Variants in MAN1C1 observed in about 807,000 individuals in gnomAD.
The protein encoded by MAN1C1 is mannosidase alpha class 1C member 1, also known as mannosyl-oligosaccharide 1,2-alpha-mannosidase IC.
In MAN1C1, 49 loss-of-function variants were observed where a neutral mutation model predicts 71.5. The ratio of observed to expected loss-of-function variants is 0.69; its 90% CI spans 0.54 to 0.87. MAN1C1 has a LOEUF of 0.87. Among genes scored for constraint, MAN1C1 ranks in the 40% least tolerant of loss-of-function variants. The pLI is 0.00. For missense variants in MAN1C1, 743 were observed against 835.0 expected (o/e 0.89, Z 1.36); for synonymous variants, 352 against 343.7 (o/e 1.02, Z -0.27).
At chr1:25,663,454 G>C (rs779756523) in intron 1 of MAN1C1, among the ~76,000 whole-genome samples, 5 of 152,034 alleles carry the variant, frequency 3.3e-5, no homozygotes, top group Non-Finnish European at 7.4e-5. Context: ...CTACAAATTA[G>C]GCACAGTAAC....
In MAN1C1 at chr1:25,634,473, G is replaced by A. The variant is rs891581776; in HGVS notation, c.540+16136G>A. Among the ~76,000 whole-genome samples, 3 of 152,250 alleles carry A rather than the reference G, an allele frequency of 2.0e-5. No homozygotes were observed. Among genetic ancestry groups the A allele is most frequent in the Admixed American group, 6.5e-5 (1 of 15,276 alleles). ...CACATGCTTTTTCTGCATCTATGGA[G>A]ATTATATTGTTTTCCTCTTTAATTC... On this transcript the variant is annotated intron_variant, in intron 1 of 11. Coordinates refer to ENST00000374332, the MANE Select transcript of MAN1C1 (RefSeq NM_020379.4). This position sits in a 1 kb window ranked among gnomAD's most constrained non-coding sequence, Gnocchi z 4.6.
chr1:25,715,534 C>T (rs1170678753), intron 2 of MAN1C1, among the ~76,000 whole-genome samples: 1 of 152,218 alleles, frequency 6.6e-6, no homozygotes, highest in Non-Finnish European at 1.5e-5. Context: ...GTGAAAGTTA[C>T]TGTGGTGAAC....
intron 2 of MAN1C1, among the ~76,000 whole-genome samples, chr1:25,720,166 G>T (rs1354583424): frequency 2.6e-5 from 4 of 151,420 alleles, no homozygotes; most frequent in African/African-American, 9.7e-5. Context: ...TTTGTGTGTT[G>T]TCTTTAGAGA....
rs904400142 is a variant in MAN1C1, at chr1:25,671,767, G to T, written c.541-14673G>T. ...ACTCAGTGACTTAGAACACAAATTC[G>T]TTCTCTTACAGTTTAGTAGGTCAGG... On this transcript the variant is annotated intron_variant, in intron 1 of 11. Coordinates refer to ENST00000374332, the MANE Select transcript of MAN1C1 (RefSeq NM_020379.4). Among the ~76,000 whole-genome samples, 3 of 152,182 alleles carry T rather than the reference G, an allele frequency of 2.0e-5. No individual in the cohort carries two copies. The East Asian group carries it at 5.8e-4, about 29-fold the overall frequency.
intron 1 of MAN1C1, among the ~76,000 whole-genome samples, chr1:25,684,627 CTG>C (rs1315519966): frequency 1.3e-5 from 2 of 152,228 alleles, no homozygotes; most frequent in Non-Finnish European, 2.9e-5. Flanking sequence ...CCCACCTGGT[CTG>C]TGCGTTTGGG....
chr1:25,739,010 T>A (rs1008218163), intron 2 of MAN1C1, among the ~76,000 whole-genome samples: 1 of 151,828 alleles, frequency 6.6e-6, no homozygotes, highest in Admixed American at 6.6e-5. Context: ...AAAAAAATTT[T>A]AAAAGTTATC....
chr1:25,699,230 G>A (rs1334680142), intron 2 of MAN1C1, among the ~76,000 whole-genome samples: 1 of 151,696 alleles, frequency 6.6e-6, no homozygotes, highest in Non-Finnish European at 1.5e-5. Flanking sequence ...AACCGGAGAG[G>A]TCGAGATTGC....
intron 4 of MAN1C1, among the ~76,000 whole-genome samples, chr1:25,752,178 G>A (rs1166609614): frequency 2.6e-5 from 4 of 152,090 alleles, no homozygotes; most frequent in African/African-American, 9.7e-5. Flanking sequence ...GCACTTCACA[G>A]TTTATAAAGT....
intron 1 of MAN1C1, among the ~76,000 whole-genome samples, chr1:25,642,303 T>C (rs2045548807): frequency 6.6e-6 from 1 of 152,164 alleles, no homozygotes; most frequent in Non-Finnish European, 1.5e-5. Context: ...CAGTAACTGA[T>C]TGATGCTCAG....
chr1:25,687,172 C>T (rs960189079), intron 2 of MAN1C1, among the ~76,000 whole-genome samples: 23 of 152,164 alleles, frequency 1.5e-4, no homozygotes, highest in Admixed American at 4.6e-4. Flanking sequence ...TACTCGGAAG[C>T]CAAGTGGAGC....
chr1:25,779,879 G>T lies in MAN1C1; in HGVS notation c.1478-1061G>T, dbSNP rs2047671010. 6.6e-6 allele frequency among the ~76,000 whole-genome samples: 1 copy of T among 152,186 alleles called. No homozygotes were observed. The highest frequency in any genetic ancestry group is 2.4e-5 in the African/African-American group (1 of 41,438). On this transcript the variant is annotated intron_variant, in intron 9 of 11. Transcript: ENST00000374332. The surrounding 1 kb of genome is among the most constrained non-coding windows in gnomAD (Gnocchi z 4.6). ...CTCAGGGTTTTGAACCCTGGTAGTAGGGAAGAGGGCTCACATTAGGAATGG... is the reference window on the plus strand; with the variant it reads ...CTCAGGGTTTTGAACCCTGGTAGTATGGAAGAGGGCTCACATTAGGAATGG...
rs185415156 is a variant in MAN1C1, at chr1:25,666,728, C to T, written c.541-19712C>T. Among the ~76,000 whole-genome samples, 276 of 152,314 alleles carry T rather than the reference C, an allele frequency of 1.8e-3. 2 individuals are homozygous for T. The highest frequency in any genetic ancestry group is 3.5e-3 in the Admixed American group (53 of 15,310). ...GGTTTCCTCCTTTATACAAAACATA[C>T]GGCTGTCAGCGACAGAAATCTCAGC... On this transcript the variant is annotated intron_variant, in intron 1 of 11. Coordinates refer to ENST00000374332, the MANE Select transcript of MAN1C1 (RefSeq NM_020379.4).
intron 2 of MAN1C1, among the ~76,000 whole-genome samples, chr1:25,734,051 G>A (rs1357571588): frequency 7.9e-5 from 12 of 151,556 alleles, no homozygotes; most frequent in Admixed American, 6.6e-5. Context: ...CGCCCACCTC[G>A]GCCTCCCAAG....
In MAN1C1 at chr1:25,784,363, C is replaced by CA. The variant is rs2047738812; in HGVS notation, c.*575dup. 1 of 152,212 alleles carries CA rather than the reference C, an allele frequency of 6.6e-6. No homozygotes were observed. Among genetic ancestry groups the CA allele is most frequent in the Admixed American group, 6.5e-5 (1 of 15,272 alleles). 9.4% of individuals were successfully genotyped at this position (152,212 alleles called of 1,614,324 possible). ...TGAGGAGGGGTTTCCCTTTGGGCCT[C>CA]AGTGTTACAAATTACTAGTGCTATT... is the stretch of plus-strand genomic sequence containing the variant. On this transcript the variant is annotated 3_prime_UTR_variant, in exon 12 of 12. Coordinates refer to ENST00000374332, the MANE Select transcript of MAN1C1 (RefSeq NM_020379.4).
chr1:25,748,848 C>T (rs778963454), intron 3 of MAN1C1, among the ~76,000 whole-genome samples: 1 of 152,178 alleles, frequency 6.6e-6, no homozygotes, highest in African/African-American at 2.4e-5. Context: ...CAGGAAAGGG[C>T]CTTGCTGTCT....
chr1:25,698,490 A>G (rs565871844), intron 2 of MAN1C1, among the ~76,000 whole-genome samples: 171 of 152,310 alleles, frequency 1.1e-3, no homozygotes, highest in African/African-American at 3.9e-3. Flanking sequence ...CTGTTTAGGC[A>G]TAAGACAAGT....
intron 2 of MAN1C1, among the ~76,000 whole-genome samples, chr1:25,719,062 T>C (rs2046723445): frequency 6.9e-6 from 1 of 145,606 alleles, no homozygotes; most frequent in African/African-American, 2.6e-5. Flanking sequence ...TTATTATTAT[T>C]ATTATTATTA....
intron 10 of MAN1C1, among the ~76,000 whole-genome samples, chr1:25,781,413 A>AGCACCACGCAG (rs200524555): frequency 6.6e-6 from 1 of 152,018 alleles, no homozygotes. Context: ...AGCTGCCTAG[A>AGCACCACGCAG]GCACCACGCA....
At position 25,634,805 on chromosome 1, in the gene MAN1C1, G is replaced by A. The variant is rs753608247; in HGVS notation, c.540+16468G>A. Among the ~76,000 whole-genome samples the A allele has an allele frequency of 6.6e-6, 1 of 152,028 alleles. No individual in the cohort carries two copies. The highest frequency in any genetic ancestry group is 1.5e-5 in the Non-Finnish European group (1 of 68,018). ...ACTGCACTCCAGCCTGGGCAACAGAGCGAGACTCTGTCTCAAAAAAAAATA... is the reference window on the plus strand; with the variant it reads ...ACTGCACTCCAGCCTGGGCAACAGAACGAGACTCTGTCTCAAAAAAAAATA... On this transcript the variant is annotated intron_variant, in intron 1 of 11. Transcript: ENST00000374332. This position sits in a 1 kb window ranked among gnomAD's most constrained non-coding sequence, Gnocchi z 4.6.
Sources: gnomAD v4.1 joint callset for allele counts (sites outside exome capture counted in the v4.1 genomes callset) on GRCh38, gnomAD v4.1.1 for gene constraint, Gnocchi (gnomAD v3.1) non-coding constraint, MANE v1.5 for transcripts, NCBI Gene and HGNC (gene_info 2026-07-23, HGNC 2026-07-21) for gene names.